The following ZNF395 variants were observed in gnomAD, a reference collection of about 807,000 sequenced individuals.
ZNF395 encodes the protein zinc finger protein 395, also known as HD gene regulatory region-binding protein 2.
In ZNF395, 20 loss-of-function variants were observed where a neutral mutation model predicts 57.7. The observed-to-expected ratio is 0.35, with a 90% CI of 0.24 to 0.50. The LOEUF is 0.50. Ranked by LOEUF, ZNF395 falls within the 20% of genes least tolerant of loss-of-function variation. The pLI is 0.97. For missense variants in ZNF395, 606 were observed against 671.2 expected, an observed-to-expected ratio of 0.90 and a Z score of 1.07; for synonymous variants, 295 against 275.9, an observed-to-expected ratio of 1.07 and a Z score of -0.69.
At chr8:28,377,827 G>A (rs1036491019) in intron 1 of ZNF395, among the ~76,000 whole-genome samples, 1 of 142,292 alleles carries the variant, frequency 7.0e-6, no homozygotes, top group Non-Finnish European at 1.5e-5. Context: ...GCATGATCTC[G>A]GCTCACTGCA....
chr8:28,351,721 G>A lies in ZNF395; in HGVS notation c.1007C>T (p.Ala336Val), dbSNP rs746269945. Reference protein sequence around the residue: ...VQLKEESAAAAAAAAAGTPVP... With the variant: ...VQLKEESAAAVAAAAAGTPVP... Reference sequence around the variant, plus strand: ...TGGGGTGCCTGCGGCAGCAGCAGCAGCAGCAGCAGCAGATTCCTCCTTCAG... The same window carrying A: ...TGGGGTGCCTGCGGCAGCAGCAGCAACAGCAGCAGCAGATTCCTCCTTCAG... The change falls in exon 7 of 10, where the codon GCT (alanine) becomes GTT (valine). Residue 336 changes from alanine (A) to valine (V), a missense_variant. By Grantham distance (64) the Ala-to-Val change is moderately conservative. Around this residue, in one of 3 missense-constraint regions of ZNF395, gnomAD observed 261 missense variants for 240.3 expected, o/e 1.09. Coordinates refer to ENST00000344423, the MANE Select transcript of ZNF395 (RefSeq NM_018660.3). The A allele has an allele frequency of 3.1e-6, 5 of 1,607,642 alleles. No individual in the cohort carries two copies. Among genetic ancestry groups the A allele is most frequent in the Non-Finnish European group, 4.2e-6 (5 of 1,179,766 alleles).
chr8:28,366,295 C>T (rs1392038679), intron 1 of ZNF395, among the ~76,000 whole-genome samples: 1 of 152,204 alleles, frequency 6.6e-6, no homozygotes. Flanking sequence ...GCAGGAACAA[C>T]AGTTTAAGTT....
intron 8 of ZNF395, 33 bp downstream of exon 8, chr8:28,350,031 A>G (rs777363577): frequency 7.8e-6 from 12 of 1,544,176 alleles, no homozygotes; most frequent in Non-Finnish European, 1.0e-5. Flanking sequence ...CCTCGGCCAT[A>G]CGAGGCCCCA....
chr8:28,375,860 T>G (rs1802034824), intron 1 of ZNF395, among the ~76,000 whole-genome samples: 1 of 148,708 alleles, frequency 6.7e-6, no homozygotes. Context: ...GGAGAGGGAG[T>G]TTTCAATTCC....
At chr8:28,381,960 G>A (rs903899993) in intron 1 of ZNF395, among the ~76,000 whole-genome samples, 2 of 152,080 alleles carry the variant, frequency 1.3e-5, no homozygotes, top group East Asian at 1.9e-4. Context: ...AAACAAATCC[G>A]GTGCACAGAA....
At chr8:28,378,484 AC>A (rs1802070370) in intron 1 of ZNF395, among the ~76,000 whole-genome samples, 4 of 152,096 alleles carry the variant, frequency 2.6e-5, no homozygotes, top group African/African-American at 9.7e-5. Flanking sequence ...CAAGCAATCC[AC>A]CCACCTCAGT....
intron 1 of ZNF395, chr8:28,385,160 G>A (rs1366268648): frequency 1.3e-5 from 2 of 152,300 alleles, no homozygotes; most frequent in African/African-American, 2.4e-5. Context: ...AATCCCCCGC[G>A]CCTGGTAGCC....
intron 5 of ZNF395, 104 bp downstream of exon 5, chr8:28,353,069 G>T: frequency 2.8e-6 from 3 of 1,071,916 alleles, no homozygotes; most frequent in Non-Finnish European, 4.2e-6. Context: ...GTGAACCCAA[G>T]ACTATCTAGG....
intron 1 of ZNF395, chr8:28,385,478 C>A (rs1446584922): frequency 6.6e-6 from 1 of 150,640 alleles, no homozygotes; most frequent in Non-Finnish European, 1.5e-5. Flanking sequence ...GAGGCGGGAC[C>A]GGGCGAGAGC....
At position 28,352,716 on chromosome 8, in the gene ZNF395, T is replaced by G; in HGVS notation, c.820-43A>C. On this transcript the variant is annotated intron_variant, in intron 5 of 9. Transcript: ENST00000344423. This position sits in a 1 kb window ranked among gnomAD's most constrained non-coding sequence, Gnocchi z 4.0. ...AGGGTGAGTGGATATGTCTTTCTCC[T>G]TATCCCTCGCTCAACCTTACCCAGT... 6.4e-7 allele frequency: 1 copy of G among 1,555,072 alleles called. No homozygotes were observed. Among genetic ancestry groups the G allele is most frequent in the Non-Finnish European group, 8.9e-7 (1 of 1,127,368 alleles).
At chr8:28,357,724 G>A (rs1801797945) in intron 3 of ZNF395, among the ~76,000 whole-genome samples, 1 of 152,114 alleles carries the variant, frequency 6.6e-6, no homozygotes. Context: ...TTCTTTACCT[G>A]CATTCCACTG....
rs1300235332 is a variant in ZNF395 at position 28,351,613 on chromosome 8, T to G, written c.1115A>C (p.His372Pro). The G allele has an allele frequency of 6.8e-6, 11 of 1,613,538 alleles. No individual in the cohort carries two copies. Among genetic ancestry groups the G allele is most frequent in the Non-Finnish European group, 9.3e-6 (11 of 1,180,004 alleles). ...TTCTGGGCCGGAGGACTGGGCTTTG[T>G]GCAGAGGTGGTGGAAGAGCAGACAG... Reference protein sequence around the residue: ...LPLSALPPPLHKAQSSGPEHP... With the variant: ...LPLSALPPPLPKAQSSGPEHP... Residue 372 changes from histidine to proline, a missense_variant, in exon 7 of 10, where the codon CAC becomes CCC. This residue lies in a region of ZNF395 where 261 missense variants were observed against 240.3 expected (regional missense o/e 1.09). Coordinates refer to ENST00000344423, the MANE Select transcript of ZNF395 (RefSeq NM_018660.3).
intron 1 of ZNF395, among the ~76,000 whole-genome samples, chr8:28,378,408 T>C (rs889405505): frequency 6.6e-6 from 1 of 152,084 alleles, no homozygotes; most frequent in Admixed American, 6.5e-5. Flanking sequence ...GCTTGGTTAA[T>C]TTTTCTATTT....
intron 1 of ZNF395, among the ~76,000 whole-genome samples, chr8:28,378,213 A>G (rs760983027): frequency 6.6e-6 from 1 of 151,632 alleles, no homozygotes; most frequent in Non-Finnish European, 1.5e-5. Context: ...CCCAACTTAA[A>G]ATAGTTCTCA....
rs571228550 is a variant in ZNF395, at chr8:28,369,137, ATT to A, written c.-58-7957_-58-7956del. 4.2e-3 allele frequency among the ~76,000 whole-genome samples: 570 copies of A among 136,656 alleles called. 2 individuals carry two copies. Among genetic ancestry groups the A allele is most frequent in the African/African-American group, 0.012 (445 of 37,272 alleles). 89.7% of individuals were successfully genotyped at this position (136,656 alleles called of 152,430 possible). A position where few individuals can be genotyped will look rare whatever the true frequency, so the allele number is the denominator to read the frequency against. ...AGGCATGAGCCACTGTGCCTGGCCA[ATT>A]TTTTTTTTTTTTTTTTTCATTTAGG... On this transcript the variant is annotated intron_variant, in intron 1 of 9. Transcript: ENST00000344423.
rs537879616 is a variant in ZNF395 at position 28,356,092 on chromosome 8, T to C, written c.583+578A>G. On this transcript the variant is annotated intron_variant, in intron 4 of 9. Coordinates refer to ENST00000344423, the MANE Select transcript of ZNF395 (RefSeq NM_018660.3). This position sits in a 1 kb window ranked among gnomAD's most constrained non-coding sequence, Gnocchi z 4.0. ...TACTCAGCAACCCTTTTTTCCCTCA[T>C]ATTATTGATAAAGTATTTTGGGGTT... is the stretch of plus-strand genomic sequence containing the variant. Among the ~76,000 whole-genome samples the C allele has an allele frequency of 6.6e-6, 1 of 152,348 alleles. No homozygotes were observed. Among genetic ancestry groups the C allele is most frequent in the East Asian group, 1.9e-4 (1 of 5,188 alleles).
At chr8:28,372,815 T>C (rs957587880) in intron 1 of ZNF395, among the ~76,000 whole-genome samples, 4 of 151,960 alleles carry the variant, frequency 2.6e-5, no homozygotes, top group Middle Eastern at 3.2e-3. Flanking sequence ...AAAGATGACT[T>C]ATGAGGCCAG....
chr8:28,353,218 A>T lies in ZNF395; in HGVS notation c.774T>A (p.Asp258Glu). Residue 258 changes from aspartate (D) to glutamate (E), a missense_variant, in exon 5 of 10, where the codon GAT becomes GAA. Asp to Glu is a conservative substitution (Grantham distance 45). Around this residue, in one of 3 missense-constraint regions of ZNF395, gnomAD observed 309 missense variants for 374.7 expected, o/e 0.82. Coordinates refer to ENST00000344423, the MANE Select transcript of ZNF395 (RefSeq NM_018660.3). ...GTTCGTCCAGCAGGAAAGGGTCAGG[A>T]TCGGTCTCAAAGCCATGATCAGTTT... ...SPQTDHGFET[D>E]PDPFLLDEPA... 6.2e-7 allele frequency: 1 copy of T among 1,609,932 alleles called. No homozygotes were observed. Among genetic ancestry groups the T allele is most frequent in the Non-Finnish European group, 8.5e-7 (1 of 1,178,114 alleles).
At position 28,349,247 on chromosome 8, in the gene ZNF395, G is replaced by A; in HGVS notation, c.1327-19C>T. 6.6e-7 allele frequency: 1 copy of A among 1,516,660 alleles called. No individual in the cohort carries two copies. Among genetic ancestry groups the A allele is most frequent in the East Asian group, 2.3e-5 (1 of 42,960 alleles). 94.0% of individuals were successfully genotyped at this position (1,516,660 alleles called of 1,614,324 possible). A position where few individuals can be genotyped will look rare whatever the true frequency, so the allele number is the denominator to read the frequency against. On this transcript the variant is annotated intron_variant, in intron 8 of 9. Transcript: ENST00000344423. ...TCCGGACCTGGGCGTGGGGAGAGGG[G>A]CTGTGAGCACAGGGACATTCAGGAA...
Sources: gnomAD v4.1 joint callset for allele counts (sites outside exome capture counted in the v4.1 genomes callset) on GRCh38, gnomAD v4.1.1 for gene constraint, gnomAD v4.1.1 regional missense constraint, Gnocchi (gnomAD v3.1) non-coding constraint, MANE v1.5 for transcripts, NCBI Gene and HGNC (gene_info 2026-07-23, HGNC 2026-07-21) for gene names.